The following OLFML1 variants were observed in gnomAD, a reference collection of about 807,000 sequenced individuals.
OLFML1 encodes the protein olfactomedin-like protein 1.
OLFML1 carries 33 observed loss-of-function variants against 37.3 expected under a neutral mutation model. The ratio of observed to expected loss-of-function variants is 0.88; its 90% confidence interval spans 0.67 to 1.18. The LOEUF (loss-of-function observed/expected upper bound fraction) is 1.18. Among genes scored for constraint, OLFML1 ranks in the 50% most tolerant of loss-of-function variants. OLFML1 has a pLI of 0.00. For synonymous variants in OLFML1, 186 were observed against 181.3 expected (o/e 1.03, Z -0.21); for missense variants, 545 against 483.7 (o/e 1.13, Z -1.19).
chr11:7,505,782 G>C (rs1356712513), intron 2 of OLFML1, among the ~76,000 whole-genome samples: 1 of 152,114 alleles, frequency 6.6e-6, no homozygotes, highest in Non-Finnish European at 1.5e-5. Flanking sequence ...AGTGAGCCAC[G>C]ATCATGCCAC....
chr11:7,501,268 T>C (rs866918737), intron 2 of OLFML1, among the ~76,000 whole-genome samples: 12 of 152,220 alleles, frequency 7.9e-5, no homozygotes, highest in African/African-American at 2.9e-4. Flanking sequence ...CTGCAGCCTA[T>C]GGCCCCCAGT....
At chr11:7,500,648 T>A (rs996068974) in intron 2 of OLFML1, among the ~76,000 whole-genome samples, 5 of 152,042 alleles carry the variant, frequency 3.3e-5, no homozygotes, top group African/African-American at 9.7e-5. Flanking sequence ...ATTTTAGAAA[T>A]ATATTAAAAT....
At chr11:7,493,971 C>T (rs1300554813) in intron 2 of OLFML1, among the ~76,000 whole-genome samples, 1 of 152,122 alleles carries the variant, frequency 6.6e-6, no homozygotes, top group African/African-American at 2.4e-5. Context: ...GATGATGGCT[C>T]TGATGGAGGG....
intron 2 of OLFML1, among the ~76,000 whole-genome samples, chr11:7,489,972 G>C (rs919640240): frequency 6.6e-6 from 1 of 152,056 alleles, no homozygotes; most frequent in Non-Finnish European, 1.5e-5. Flanking sequence ...AGCTCTATGA[G>C]AGCTTGGAAC....
In OLFML1 at chr11:7,509,436, A is replaced by T. The variant is rs750027764; in HGVS notation, c.457A>T (p.Ile153Leu). ...NMLMGIKSLK[I>L]VKKMMDTHGS... ...GCTGATGGGCATAAAGTCTTTGAAA[A>T]TAGTGAAGAAGATGATGGACACACA... Residue 153 changes from isoleucine to leucine, a missense_variant, in exon 3 of 3, where the codon ATA (isoleucine) becomes TTA (leucine). Coordinates refer to ENST00000329293, the MANE Select transcript of OLFML1 (RefSeq NM_198474.4). The T allele has an allele frequency of 3.1e-6, 5 of 1,613,442 alleles. No homozygotes were observed. In the South Asian group the frequency reaches 3.3e-5, roughly 11 times the overall value.
At chr11:7,505,098 T>C (rs1564922519) in intron 2 of OLFML1, among the ~76,000 whole-genome samples, 2 of 108,676 alleles carry the variant, frequency 1.8e-5, no homozygotes, top group Non-Finnish European at 4.0e-5. Context: ...TAGCTAATTA[T>C]TGTATTTTTT....
chr11:7,493,905 C>T (rs1848632740), intron 2 of OLFML1, among the ~76,000 whole-genome samples: 1 of 152,204 alleles, frequency 6.6e-6, no homozygotes. Flanking sequence ...GGGTAACATT[C>T]TTGTCCTCAA....
At chr11:7,499,455 T>A (rs1335351132) in intron 2 of OLFML1, among the ~76,000 whole-genome samples, 1 of 152,254 alleles carries the variant, frequency 6.6e-6, no homozygotes, top group Non-Finnish European at 1.5e-5. Flanking sequence ...ACTGTAAATA[T>A]ATTATCCTCA....
rs774575686 is a variant in OLFML1, at chr11:7,509,751, C to T, written c.772C>T (p.Arg258Ter). The change falls in exon 3 of 3, where the codon CGA (arginine) becomes TGA (stop). Residue 258 changes from arginine (R) to a stop codon, truncating the protein, a stop_gained. Coordinates refer to ENST00000329293, the MANE Select transcript of OLFML1 (RefSeq NM_198474.4). LOFTEE classifies it high-confidence loss of function. ...DRMLLPGGVG[R>*]ALVYQHSPST... ...AATGCTGCTCCCAGGAGGGGTAGGCCGAGCATTGGTTTACCAGCACTCCCC... is the reference window on the plus strand; with the variant it reads ...AATGCTGCTCCCAGGAGGGGTAGGCTGAGCATTGGTTTACCAGCACTCCCC... 1.7e-5 allele frequency: 28 copies of T among 1,614,058 alleles called. No homozygotes were observed. Among genetic ancestry groups the T allele is most frequent in the East Asian group, 6.7e-5 (3 of 44,896 alleles).
chr11:7,494,349 T>C (rs1848636358), intron 2 of OLFML1, among the ~76,000 whole-genome samples: 1 of 152,246 alleles, frequency 6.6e-6, no homozygotes, highest in Non-Finnish European at 1.5e-5. Context: ...TGGCAATTAA[T>C]ATTACTGAAT....
At position 7,485,935 on chromosome 11, in the gene OLFML1, G is replaced by A. The variant is rs1224780193; in HGVS notation, c.60G>A (p.Leu20=). 4 of 1,613,786 alleles carry A rather than the reference G, an allele frequency of 2.5e-6. No individual in the cohort carries two copies. In the East Asian group the frequency reaches 8.9e-5, roughly 36 times the overall value. ...TGGTTCTGTTCCTTGCAGCTTTTCT[G>A]CCCCCGCCGCAGTGTACCCAGGACC... is the stretch of plus-strand genomic sequence containing the variant. The part of the protein sequence containing the change: ...ALLVLFLAAF[L]PPPQCTQDPA... The change falls in exon 1 of 3, where the codon CTG becomes CTA. Residue 20 remains leucine, a synonymous_variant. Coordinates refer to ENST00000329293, the MANE Select transcript of OLFML1 (RefSeq NM_198474.4).
rs111744185 is a variant in OLFML1, at chr11:7,488,303, A to G, written c.306A>G (p.Ile102Met). ...VERAQREIDY[I>M]QYLREADECI... ...GTGCCCAACGGGAGATTGACTACAT[A>G]CAATACCTTCGAGAGGCTGACGAGT... Residue 102 changes from isoleucine (I) to methionine (M), a missense_variant, in exon 2 of 3, where the codon ATA (isoleucine) becomes ATG (methionine). Coordinates refer to ENST00000329293, the MANE Select transcript of OLFML1 (RefSeq NM_198474.4). 1.8e-5 allele frequency: 29 copies of G among 1,614,158 alleles called. No homozygotes were observed. The Middle Eastern group carries it at 5.0e-4, about 28-fold the overall frequency.
chr11:7,493,968 G>A lies in OLFML1; in HGVS notation c.418+5553G>A, dbSNP rs1401045684. ...TCCAGACAAATCTGGAATGATGATG[G>A]CTCTGATGGAGGGATGCATAGGGTG... On this transcript the variant is annotated intron_variant, in intron 2 of 2. Transcript: ENST00000329293. Among the ~76,000 whole-genome samples the A allele has an allele frequency of 3.9e-5, 6 of 152,350 alleles. No individual in the cohort carries two copies. In the South Asian group the frequency reaches 8.3e-4, roughly 21 times the overall value.
intron 2 of OLFML1, among the ~76,000 whole-genome samples, chr11:7,490,132 T>TCGGGGGG (rs779756044): frequency 3.4e-4 from 13 of 37,980 alleles, no homozygotes; most frequent in African/African-American, 1.1e-3. Flanking sequence ...TAGGCTTTGG[T>TCGGGGGG]GGGGGGGGGG....
rs946050516 is a variant in OLFML1, at chr11:7,488,038, T to G, written c.130-89T>G. 68 of 939,654 alleles carry G rather than the reference T, an allele frequency of 7.2e-5. No individual in the cohort carries two copies. In the African/African-American group the frequency reaches 1.1e-3, roughly 15 times the overall value. The allele number at this position is 939,654 out of a possible 1,614,324, so 58.2% of individuals were successfully genotyped here. Reference sequence around the variant, plus strand: ...CCCTATTTGATGATGTGTAATTTTCTAATCCTTTTCTATAAATGATAGGTA... The same window carrying G: ...CCCTATTTGATGATGTGTAATTTTCGAATCCTTTTCTATAAATGATAGGTA... On this transcript the variant is annotated intron_variant, in intron 1 of 2. Coordinates refer to ENST00000329293, the MANE Select transcript of OLFML1 (RefSeq NM_198474.4).
rs181023458 is a variant in OLFML1, at chr11:7,493,746, G to A, written c.418+5331G>A. Among the ~76,000 whole-genome samples, 183 of 152,326 alleles carry A rather than the reference G, an allele frequency of 1.2e-3. 1 individual carries two copies. The highest frequency in any genetic ancestry group is 4.1e-3 in the African/African-American group (170 of 41,574). On this transcript the variant is annotated intron_variant, in intron 2 of 2. Transcript: ENST00000329293. ...AGGATACCTTCAGTCCCATCACTAC[G>A]GATTCTCACAGAGGGTTAACTGTGG...
rs756840771 is a variant in OLFML1, at chr11:7,485,920, C to G, written c.45C>G (p.Phe15Leu). ...LRGASALLVL[F>L]LAAFLPPPQC... ...GAGCTTCTGCATTGCTGGTTCTGTT[C>G]CTTGCAGCTTTTCTGCCCCCGCCGC... is the stretch of plus-strand genomic sequence containing the variant. Residue 15 changes from phenylalanine to leucine, a missense_variant, in exon 1 of 3, where the codon TTC becomes TTG. Coordinates refer to ENST00000329293, the MANE Select transcript of OLFML1 (RefSeq NM_198474.4). 3 of 1,613,788 alleles carry G rather than the reference C, an allele frequency of 1.9e-6. No individual in the cohort carries two copies. The South Asian group carries it at 3.3e-5, about 18-fold the overall frequency.
Position 7,509,419 on chromosome 11 carries a change from G to GA in OLFML1, c.440_441insA (p.Ile148HisfsTer24), listed in dbSNP as rs1335688996. ...CCAGGCTGTGACAACATGCTGATGG[G>GA]CATAAAGTCTTTGAAAATAGTGAAG... On this transcript the variant is annotated frameshift_variant, in exon 3 of 3. Transcript: ENST00000329293. LOFTEE classifies it high-confidence loss of function. The GA allele has an allele frequency of 1.9e-6, 3 of 1,612,134 alleles. No homozygotes were observed. The South Asian group carries it at 3.3e-5, about 18-fold the overall frequency.
intron 2 of OLFML1, chr11:7,504,695 T>C (rs982314678): frequency 1.3e-5 from 2 of 152,142 alleles, no homozygotes; most frequent in Non-Finnish European, 2.9e-5. Context: ...GATAGTCATA[T>C]GGAAAGCATG....
Sources: allele counts gnomAD v4.1 joint callset (sites outside exome capture counted in the v4.1 genomes callset), GRCh38; gene constraint gnomAD v4.1.1; transcripts MANE v1.5; gene names NCBI Gene and HGNC (gene_info 2026-07-23, HGNC 2026-07-21).